MED15: variants seen among roughly 807,000 people sequenced by gnomAD.
The protein encoded by MED15 is mediator of RNA polymerase II transcription subunit 15.
Under a neutral mutation model 118.7 loss-of-function variants are expected in MED15, and 41 were observed. The observed-to-expected ratio is 0.35, with a 90% CI of 0.27 to 0.45. MED15 has a LOEUF of 0.45. Among genes scored for constraint, MED15 ranks in the 20% least tolerant of loss-of-function variants. MED15 has a pLI of 1.00. For synonymous variants in MED15, 436 were observed against 413.9 expected, an observed-to-expected ratio of 1.05 and a Z score of -0.65; for missense variants, 740 against 1,025.5, an observed-to-expected ratio of 0.72 and a Z score of 3.80.
chr22:20,532,879 G>T lies in MED15; in HGVS notation c.69-4238G>T, dbSNP rs57997330. On this transcript the variant is annotated intron_variant, in intron 1 of 17. Coordinates refer to ENST00000263205, the MANE Select transcript of MED15 (RefSeq NM_001003891.3). ...CCTCGTCTTCCCGGCTTGCTTGTGT[G>T]GGGGAAGAGCTCACTGTGACATGTG... Among the ~76,000 whole-genome samples the T allele has an allele frequency of 1.2e-3, 181 of 152,300 alleles. 3 individuals are homozygous for T. In the East Asian group the frequency reaches 0.031, roughly 26 times the overall value.
intron 9 of MED15, among the ~76,000 whole-genome samples, chr22:20,581,617 C>G (rs900597875): frequency 1.3e-5 from 2 of 152,106 alleles, no homozygotes; most frequent in Non-Finnish European, 2.9e-5. Flanking sequence ...ACAAGGCATC[C>G]CTCTTTGCTG....
At chr22:20,552,476 G>A in intron 3 of MED15, 1 of 385,142 alleles carries the variant, frequency 2.6e-6, no homozygotes, top group South Asian at 2.0e-5. Flanking sequence ...TGTAAGAGGA[G>A]AAGGAGCAGC....
chr22:20,565,239 C>T (rs1486449307), intron 6 of MED15, among the ~76,000 whole-genome samples: 1 of 152,228 alleles, frequency 6.6e-6, no homozygotes, highest in East Asian at 1.9e-4. Flanking sequence ...GGGCATCTGG[C>T]GGTGGGCCTC....
chr22:20,571,742 C>G (rs1489026602), intron 8 of MED15, among the ~76,000 whole-genome samples: 3 of 152,232 alleles, frequency 2.0e-5, no homozygotes, highest in African/African-American at 7.2e-5. Flanking sequence ...TCATGATCTT[C>G]TTTTGAAACT....
chr22:20,507,641 C>T lies in MED15; in HGVS notation c.-38C>T, dbSNP rs761530973. 6.2e-7 allele frequency: 1 copy of T among 1,613,082 alleles called. No individual in the cohort carries two copies. The stretch of plus-strand genomic sequence containing the variant: ...GTGACTGAGGCGGCGGCGGTGGCGG[C>T]CAAGCGGGATACGGGCGGCGGGAGC... On this transcript the variant is annotated 5_prime_UTR_variant, in exon 1 of 18. Transcript: ENST00000263205.
intron 1 of MED15, among the ~76,000 whole-genome samples, chr22:20,526,253 A>G (rs1278365236): frequency 6.6e-6 from 1 of 152,218 alleles, no homozygotes; most frequent in Non-Finnish European, 1.5e-5. Context: ...AAAAGACAAG[A>G]AACTACTGTG....
chr22:20,562,016 G>C (rs768236123), intron 5 of MED15, among the ~76,000 whole-genome samples: 1 of 152,148 alleles, frequency 6.6e-6, no homozygotes, highest in Admixed American at 6.5e-5. Context: ...AATTAGCTGA[G>C]TGTGGTGGTA....
intron 1 of MED15, among the ~76,000 whole-genome samples, chr22:20,517,168 C>T (rs1356947542): frequency 6.6e-6 from 1 of 151,812 alleles, no homozygotes; most frequent in Non-Finnish European, 1.5e-5. Context: ...GAACTCTTGG[C>T]CTCAAGTGAG....
At chr22:20,548,628 G>A (rs2055649719) in intron 2 of MED15, among the ~76,000 whole-genome samples, 1 of 152,166 alleles carries the variant, frequency 6.6e-6, no homozygotes, top group African/African-American at 2.4e-5. Flanking sequence ...TCTCATGGCA[G>A]ATTTAAGCAA....
intron 1 of MED15, among the ~76,000 whole-genome samples, chr22:20,513,974 C>T (rs1172009182): frequency 6.6e-6 from 1 of 152,176 alleles, no homozygotes; most frequent in Non-Finnish European, 1.5e-5. Flanking sequence ...AGCGATCCTC[C>T]CACCTCAGCA....
At chr22:20,584,235 G>T in intron 13 of MED15, 124 bp from the exon 14 acceptor site, 1 of 952,158 alleles carries the variant, frequency 1.1e-6, no homozygotes, top group East Asian at 2.4e-5. Context: ...GGAACAGCTG[G>T]TCAACTGGTA....
At chr22:20,527,565 C>G (rs899857867) in intron 1 of MED15, among the ~76,000 whole-genome samples, 5 of 151,938 alleles carry the variant, frequency 3.3e-5, no homozygotes, top group Non-Finnish European at 7.4e-5. Flanking sequence ...CCTCAGCCTC[C>G]CAAGTAGCTG....
At chr22:20,580,856 TC>T (rs1174662208) in intron 9 of MED15, among the ~76,000 whole-genome samples, 1 of 152,128 alleles carries the variant, frequency 6.6e-6, no homozygotes, top group Non-Finnish European at 1.5e-5. Flanking sequence ...GTCACATCAG[TC>T]CCCGTTTCTG....
chr22:20,549,342 T>C (rs1028553330), intron 2 of MED15, among the ~76,000 whole-genome samples: 1 of 152,168 alleles, frequency 6.6e-6, no homozygotes, highest in Non-Finnish European at 1.5e-5. Flanking sequence ...GCAGGGGAGC[T>C]GGAGCAGACC....
intron 7 of MED15, among the ~76,000 whole-genome samples, chr22:20,567,220 T>C (rs2056476385): frequency 6.6e-6 from 1 of 152,188 alleles, no homozygotes. Flanking sequence ...TAAGCAAATA[T>C]CTTTTTTTTT....
chr22:20,545,684 G>A (rs4821961), intron 2 of MED15, among the ~76,000 whole-genome samples: 85,275 of 151,134 alleles, frequency 0.56, 24,272 homozygotes, highest in Admixed American at 0.69. Context: ...TCAGGGCCGT[G>A]TGGTTTCCTT....
intron 1 of MED15, among the ~76,000 whole-genome samples, chr22:20,514,702 A>G (rs1277756060): frequency 6.6e-6 from 1 of 152,202 alleles, no homozygotes; most frequent in Non-Finnish European, 1.5e-5. Flanking sequence ...AGACAACACA[A>G]GGAACAAAAC....
chr22:20,557,239 A>C (rs1036022105), intron 5 of MED15, among the ~76,000 whole-genome samples: 1 of 152,050 alleles, frequency 6.6e-6, no homozygotes, highest in African/African-American at 2.4e-5. Flanking sequence ...GCCTGACCCC[A>C]TCCTCACACT....
chr22:20,569,570 TG>T lies in MED15; in HGVS notation c.1152+945del, dbSNP rs1464958382. On this transcript the variant is annotated intron_variant, in intron 8 of 17. Transcript: ENST00000263205. ...CTCGTGGCAGGCTTCATCTCACGCT[TG>T]GGGGGTGCTCAGTAATGTCCTTCAT... 3.9e-5 allele frequency among the ~76,000 whole-genome samples: 6 copies of T among 152,144 alleles called. No individual in the cohort carries two copies. The South Asian group carries it at 8.3e-4, about 21-fold the overall frequency.
Sources: gnomAD v4.1 joint callset for allele counts (sites outside exome capture counted in the v4.1 genomes callset) on GRCh38, gnomAD v4.1.1 for gene constraint, MANE v1.5 for transcripts, NCBI Gene and HGNC (gene_info 2026-07-23, HGNC 2026-07-21) for gene names.